PRKCI: variants seen among roughly 807,000 people sequenced by gnomAD.
The protein encoded by PRKCI is protein kinase C iota type.
PRKCI carries 43 observed loss-of-function variants against 84.0 expected under a neutral mutation model. That is an observed-to-expected ratio of 0.51 (90% confidence interval 0.40 to 0.66). The LOEUF (loss-of-function observed/expected upper bound fraction) is 0.66, where lower values mean the gene tolerates loss of function less well. PRKCI is among the 30% of genes least tolerant of loss of function. The pLI, the probability that PRKCI is intolerant of heterozygous loss-of-function variation, is 0.00. For synonymous variants in PRKCI, 216 were observed against 234.4 expected, an observed-to-expected ratio of 0.92 and a Z score of 0.72; for missense variants, 459 against 745.6, an observed-to-expected ratio of 0.62 and a Z score of 4.48.
At chr3:170,279,046 T>C (rs1734183153) in intron 8 of PRKCI, among the ~76,000 whole-genome samples, 1 of 152,172 alleles carries the variant, frequency 6.6e-6, no homozygotes, top group African/African-American at 2.4e-5. Context: ...ATTACTATTA[T>C]TGACAGGGTC....
intron 2 of PRKCI, among the ~76,000 whole-genome samples, chr3:170,256,170 A>G (rs1733579344): frequency 6.6e-6 from 1 of 152,158 alleles, no homozygotes; most frequent in South Asian, 2.1e-4. Flanking sequence ...GTCTGGTTTT[A>G]GTAATACTGA....
chr3:170,234,021 T>C lies in PRKCI; in HGVS notation c.102-1209T>C, dbSNP rs568721748. ...CAGGTGTGAGCCACCACACCCAGCC[T>C]ATACTTACACTTTTTTTTTTTTTTT... On this transcript the variant is annotated intron_variant, in intron 1 of 17. Coordinates refer to ENST00000295797, the MANE Select transcript of PRKCI (RefSeq NM_002740.6). 5.7e-4 allele frequency among the ~76,000 whole-genome samples: 77 copies of C among 135,018 alleles called. No individual in the cohort carries two copies. The East Asian group carries it at 0.016, about 28-fold the overall frequency. The allele number at this position is 135,018 out of a possible 152,430, so 88.6% of individuals were successfully genotyped here.
chr3:170,283,961 T>C (rs1734314821), intron 11 of PRKCI, among the ~76,000 whole-genome samples: 1 of 152,204 alleles, frequency 6.6e-6, no homozygotes, highest in African/African-American at 2.4e-5. Context: ...AGTTGTAGAA[T>C]ATTTTCATTT....
chr3:170,267,770 C>G (rs765935931), intron 4 of PRKCI, 145 bp from the exon 5 acceptor site: 13 of 442,502 alleles, frequency 2.9e-5, no homozygotes, highest in Non-Finnish European at 5.1e-5. Context: ...CTTGATGAAT[C>G]TATTTTATTT....
intron 2 of PRKCI, among the ~76,000 whole-genome samples, chr3:170,253,968 G>A (rs1269984582): frequency 1.3e-5 from 2 of 151,200 alleles, no homozygotes; most frequent in African/African-American, 4.9e-5. Context: ...ATGGTGGCAC[G>A]TGCCTGCAAT....
rs1732509191 is a variant in PRKCI at position 170,222,460 on chromosome 3, G to A, written c.-210G>A. 2.2e-6 allele frequency: 1 copy of A among 462,096 alleles called. No homozygotes were observed. The highest frequency in any genetic ancestry group is 3.7e-6 in the Non-Finnish European group (1 of 266,704). The allele number at this position is 462,096 out of a possible 1,614,324, so 28.6% of individuals were successfully genotyped here. Reference sequence around the variant, plus strand: ...TGTCTTGGGCCCGGGCGGCTGTAGAGGCGGCGGCGCCTACGGGCAGTGGGA... The same window carrying A: ...TGTCTTGGGCCCGGGCGGCTGTAGAAGCGGCGGCGCCTACGGGCAGTGGGA... On this transcript the variant is annotated 5_prime_UTR_variant, in exon 1 of 18. Transcript: ENST00000295797.
intron 1 of PRKCI, among the ~76,000 whole-genome samples, chr3:170,226,224 A>G (rs1354271728): frequency 2.0e-5 from 3 of 152,138 alleles, no homozygotes; most frequent in Non-Finnish European, 4.4e-5. Flanking sequence ...ATTTACATCT[A>G]GTTTTTAAGC....
intron 3 of PRKCI, 141 bp downstream of exon 3, chr3:170,260,199 G>A (rs1039409549): frequency 3.6e-6 from 2 of 561,024 alleles, no homozygotes; most frequent in African/African-American, 3.9e-5. Context: ...TCGTTATTTA[G>A]TAGTTTCTCA....
In PRKCI at chr3:170,222,680, A is replaced by T; in HGVS notation, c.11A>T (p.Gln4Leu). 1 of 1,598,236 alleles carries T rather than the reference A, an allele frequency of 6.3e-7. No individual in the cohort carries two copies. Among genetic ancestry groups the T allele is most frequent in the Admixed American group, 1.7e-5 (1 of 58,464 alleles). MPT[Q>L]RDSSTMSHTV... ...CGGGGGAGTGAGGAGATGCCGACCC[A>T]GAGGGACAGCAGCACCATGTCCCAC... The change falls in exon 1 of 18, where the codon CAG becomes CTG. Residue 4 changes from glutamine (Q) to leucine (L), a missense_variant. This residue lies in a region of PRKCI where 250 missense variants were observed against 319.7 expected (regional missense o/e 0.78). Transcript: ENST00000295797.
chr3:170,293,896 G>A (rs997947561), intron 14 of PRKCI, among the ~76,000 whole-genome samples: 1 of 152,110 alleles, frequency 6.6e-6, no homozygotes, highest in African/African-American at 2.4e-5. Context: ...GGCCAGGCTG[G>A]TCTTGAACTC....
intron 2 of PRKCI, among the ~76,000 whole-genome samples, chr3:170,246,011 G>A (rs1485147670): frequency 1.5e-5 from 2 of 134,340 alleles, no homozygotes; most frequent in South Asian, 2.4e-4. Context: ...CTGGAATGCA[G>A]TGGTGTGATC....
rs1732512614 is a variant in PRKCI, at chr3:170,222,535, C to T, written c.-135C>T. 1.3e-6 allele frequency: 1 copy of T among 743,302 alleles called. No individual in the cohort carries two copies. The highest frequency in any genetic ancestry group is 3.4e-5 in the East Asian group (1 of 29,832). 46.0% of individuals were successfully genotyped at this position (743,302 alleles called of 1,614,324 possible). On this transcript the variant is annotated 5_prime_UTR_variant, in exon 1 of 18. Transcript: ENST00000295797. ...CGGCGAGGCGACCCTTGGGTCGGCG[C>T]TGCGGGCGAGGTGGGCAGGTAGGTG...
intron 2 of PRKCI, among the ~76,000 whole-genome samples, chr3:170,235,823 C>G (rs1009396784): frequency 6.6e-6 from 1 of 152,238 alleles, no homozygotes; most frequent in Admixed American, 6.5e-5. Flanking sequence ...CCTCGGCCTC[C>G]CAAAGTGCTG....
At position 170,255,545 on chromosome 3, in the gene PRKCI, G is replaced by GT. The variant is rs561911490; in HGVS notation, c.224-4417dup. 1.7e-3 allele frequency among the ~76,000 whole-genome samples: 259 copies of GT among 152,214 alleles called. 1 individual carries two copies. Among genetic ancestry groups the GT allele is most frequent in the African/African-American group, 3.3e-3 (139 of 41,538 alleles). ...CTGAATTAGTTTATCTGTTCTAATAGTTTTTTTGTGGAGTCTTTAGGTTTT... is the reference window on the plus strand; with the variant it reads ...CTGAATTAGTTTATCTGTTCTAATAGTTTTTTTTGTGGAGTCTTTAGGTTTT... On this transcript the variant is annotated intron_variant, in intron 2 of 17. Coordinates refer to ENST00000295797, the MANE Select transcript of PRKCI (RefSeq NM_002740.6).
At position 170,297,300 on chromosome 3, in the gene PRKCI, A is replaced by G. The variant is rs777017602; in HGVS notation, c.1498-4A>G. ...CAATTCTTGAAACATTTCTTTCACC[A>G]TAGGACCCTAAGGAACGATTGGGTT... On this transcript the variant is annotated splice_region_variant and splice_polypyrimidine_tract_variant and intron_variant, in intron 15 of 17. Coordinates refer to ENST00000295797, the MANE Select transcript of PRKCI (RefSeq NM_002740.6). The G allele has an allele frequency of 2.5e-6, 4 of 1,608,746 alleles. No individual in the cohort carries two copies. The highest frequency in any genetic ancestry group is 1.1e-5 in the South Asian group (1 of 90,898).
chr3:170,246,200 T>A (rs1166209183), intron 2 of PRKCI, among the ~76,000 whole-genome samples: 2 of 152,128 alleles, frequency 1.3e-5, no homozygotes, highest in Non-Finnish European at 2.9e-5. Context: ...CCGCCCAGGC[T>A]GGAGTGCAGT....
intron 2 of PRKCI, among the ~76,000 whole-genome samples, chr3:170,259,238 G>A (rs1733663867): frequency 6.6e-6 from 1 of 152,160 alleles, no homozygotes; most frequent in Non-Finnish European, 1.5e-5. Context: ...AGGTGTGGTG[G>A]CTCATGCCCA....
chr3:170,248,099 A>C (rs1733335508), intron 2 of PRKCI, among the ~76,000 whole-genome samples: 1 of 152,122 alleles, frequency 6.6e-6, no homozygotes, highest in Non-Finnish European at 1.5e-5. Context: ...CAGGGAGAAG[A>C]ATGTGTGATA....
At chr3:170,295,492 C>T (rs1734667709) in intron 14 of PRKCI, among the ~76,000 whole-genome samples, 1 of 152,044 alleles carries the variant, frequency 6.6e-6, no homozygotes, top group South Asian at 2.1e-4. Context: ...GCCCGGCCAG[C>T]ATGGTGAAAC....
Sources: gnomAD v4.1 joint callset for allele counts (sites outside exome capture counted in the v4.1 genomes callset) on GRCh38, gnomAD v4.1.1 for gene constraint, gnomAD v4.1.1 regional missense constraint, MANE v1.5 for transcripts, NCBI Gene and HGNC (gene_info 2026-07-23, HGNC 2026-07-21) for gene names.